PCSK5: variants seen among roughly 807,000 people sequenced by gnomAD.
The protein encoded by PCSK5 is prohormone convertase 5.
In PCSK5, 129 loss-of-function variants were observed where a neutral mutation model predicts 233.2. That is an observed-to-expected ratio of 0.55 (90% CI 0.48 to 0.64). PCSK5 has a LOEUF of 0.64. Among genes scored for constraint, PCSK5 ranks in the 30% least tolerant of loss-of-function variants. PCSK5 has a pLI of 0.00. For missense variants in PCSK5, 2,076 were observed against 2,430.1 expected, an observed-to-expected ratio of 0.85 and a Z score of 3.06; for synonymous variants, 825 against 879.2, an observed-to-expected ratio of 0.94 and a Z score of 1.09.
At chr9:75,934,049 T>A (rs1292388972) in intron 2 of PCSK5, among the ~76,000 whole-genome samples, 1 of 152,204 alleles carries the variant, frequency 6.6e-6, no homozygotes. Flanking sequence ...TCTTGGGGCA[T>A]CTTGGTGTTT....
chr9:76,226,446 T>G (rs1344162611), intron 20 of PCSK5, among the ~76,000 whole-genome samples: 1 of 152,178 alleles, frequency 6.6e-6, no homozygotes, highest in African/African-American at 2.4e-5. Context: ...GCAACTATGC[T>G]AAATCAGGCA....
intron 2 of PCSK5, among the ~76,000 whole-genome samples, chr9:75,956,780 C>T (rs1041761467): frequency 6.6e-6 from 1 of 151,940 alleles, no homozygotes; most frequent in East Asian, 1.9e-4. Flanking sequence ...GTCCGCCTCT[C>T]GTTGAAGTCT....
chr9:76,085,128 C>T (rs1393232805), intron 7 of PCSK5, among the ~76,000 whole-genome samples: 4 of 152,144 alleles, frequency 2.6e-5, no homozygotes, highest in African/African-American at 4.8e-5. Flanking sequence ...CAGCTCCTGT[C>T]GAGTGGGTCA....
At chr9:76,209,713 CT>C (rs767674111) in intron 20 of PCSK5, among the ~76,000 whole-genome samples, 1 of 151,942 alleles carries the variant, frequency 6.6e-6, no homozygotes, top group East Asian at 1.9e-4. Context: ...CAACTAGTCC[CT>C]GTCAAGGAGA....
intron 20 of PCSK5, among the ~76,000 whole-genome samples, chr9:76,221,990 A>T (rs1825741593): frequency 6.6e-6 from 1 of 152,198 alleles, no homozygotes; most frequent in Non-Finnish European, 1.5e-5. Context: ...TGGGATAGAG[A>T]AGAGATTTCC....
At chr9:76,120,672 C>A (rs1346060579) in intron 9 of PCSK5, among the ~76,000 whole-genome samples, 2 of 130,380 alleles carry the variant, frequency 1.5e-5, no homozygotes, top group African/African-American at 5.3e-5. Context: ...TATATTATAG[C>A]TGATTTTCTT....
chr9:75,950,624 C>G (rs12006261), intron 2 of PCSK5, among the ~76,000 whole-genome samples: 6,482 of 152,186 alleles, frequency 0.043, 176 homozygotes, highest in African/African-American at 0.064. Flanking sequence ...AAATACTTTA[C>G]AGACAAGCAA....
chr9:76,036,483 T>C (rs1170181617), intron 5 of PCSK5, among the ~76,000 whole-genome samples: 1 of 152,222 alleles, frequency 6.6e-6, no homozygotes, highest in Non-Finnish European at 1.5e-5. Context: ...AGCCTTTTTA[T>C]TGACTATGTC....
At chr9:75,945,678 A>G (rs1052564497) in intron 2 of PCSK5, among the ~76,000 whole-genome samples, 2 of 151,998 alleles carry the variant, frequency 1.3e-5, no homozygotes, top group African/African-American at 2.4e-5. Context: ...GGCCATTATG[A>G]TCTAGCCTCT....
At chr9:76,169,230 G>A (rs1431129589) in intron 12 of PCSK5, among the ~76,000 whole-genome samples, 3 of 152,192 alleles carry the variant, frequency 2.0e-5, no homozygotes, top group Admixed American at 2.0e-4. Context: ...AGTTTTTCGT[G>A]TGAACATATG....
chr9:76,246,431 T>C (rs868746332), intron 24 of PCSK5, among the ~76,000 whole-genome samples: 4 of 150,798 alleles, frequency 2.7e-5, no homozygotes, highest in Middle Eastern at 3.4e-3. Context: ...ACAAGTTCTA[T>C]AGGCAAGGTT....
chr9:76,026,942 C>G lies in PCSK5; in HGVS notation c.556-19C>G. The G allele has an allele frequency of 1.9e-6, 3 of 1,580,522 alleles. No homozygotes were observed. The highest frequency in any genetic ancestry group is 2.3e-5 in the East Asian group (1 of 44,314). On this transcript the variant is annotated intron_variant, in intron 4 of 37. Transcript: ENST00000674117. ...GAATGTCCATTTCCTTTCCCTTGCT[C>G]TCTCCTCTGTGGCCATAGGATGCTC...
chr9:75,991,848 A>C (rs960537534), intron 3 of PCSK5, among the ~76,000 whole-genome samples: 6 of 152,210 alleles, frequency 3.9e-5, no homozygotes, highest in Non-Finnish European at 5.9e-5. Flanking sequence ...TAGGGAGTTA[A>C]ATATTTTAAA....
At chr9:76,308,067 C>T (rs2036056) in intron 28 of PCSK5, among the ~76,000 whole-genome samples, 1 of 151,982 alleles carries the variant, frequency 6.6e-6, no homozygotes, top group Admixed American at 6.5e-5. Context: ...CATGGTAGTG[C>T]GCACCTGTAA....
intron 35 of PCSK5, among the ~76,000 whole-genome samples, chr9:76,341,574 G>A (rs547329165): frequency 2.6e-5 from 4 of 152,226 alleles, no homozygotes; most frequent in East Asian, 3.9e-4. Flanking sequence ...GGTTACAGGC[G>A]TGAGCCACTG....
chr9:76,152,524 T>C (rs971993022), intron 10 of PCSK5, among the ~76,000 whole-genome samples: 1 of 152,184 alleles, frequency 6.6e-6, no homozygotes, highest in Non-Finnish European at 1.5e-5. Context: ...TGCATAACAC[T>C]GTGTTTTAGC....
At chr9:76,010,120 C>T (rs1428987258) in intron 3 of PCSK5, among the ~76,000 whole-genome samples, 3 of 152,150 alleles carry the variant, frequency 2.0e-5, no homozygotes, top group Non-Finnish European at 4.4e-5. Context: ...TGAGGGATAT[C>T]ATACAAGGAG....
At chr9:76,022,197 C>T (rs1163288437) in intron 3 of PCSK5, among the ~76,000 whole-genome samples, 4 of 152,186 alleles carry the variant, frequency 2.6e-5, no homozygotes, top group Non-Finnish European at 5.9e-5. Flanking sequence ...TCTGAATGGT[C>T]TTGTTTATTT....
chr9:76,224,635 G>C (rs1825829756), intron 20 of PCSK5, among the ~76,000 whole-genome samples: 1 of 152,204 alleles, frequency 6.6e-6, no homozygotes, highest in Admixed American at 6.5e-5. Context: ...GGCATAAGAA[G>C]CTGTGTCTGG....
Sources: allele counts gnomAD v4.1 joint callset (sites outside exome capture counted in the v4.1 genomes callset), GRCh38; gene constraint gnomAD v4.1.1; transcripts MANE v1.5; gene names NCBI Gene and HGNC (gene_info 2026-07-23, HGNC 2026-07-21).